PALLD: variants seen among roughly 807,000 people sequenced by gnomAD.
PALLD encodes palladin.
In PALLD, 61 loss-of-function variants were observed where a neutral mutation model predicts 123.5. That is an observed-to-expected ratio of 0.49 (90% CI 0.40 to 0.61). The LOEUF (loss-of-function observed/expected upper bound fraction) is 0.61. Among genes scored for constraint, PALLD ranks in the 20% least tolerant of loss-of-function variants. The pLI is 0.00. For missense variants in PALLD, 1,273 were observed against 1,377.0 expected (o/e 0.92, Z 1.20); for synonymous variants, 465 against 496.4 (o/e 0.94, Z 0.84).
At chr4:168,595,789 C>T (rs1771916125) in intron 2 of PALLD, among the ~76,000 whole-genome samples, 1 of 151,986 alleles carries the variant, frequency 6.6e-6, no homozygotes, top group Admixed American at 6.6e-5. Context: ...CAACAGAATG[C>T]CAGGGTGAGG....
At chr4:168,579,977 C>A (rs1232646937) in intron 2 of PALLD, among the ~76,000 whole-genome samples, 3 of 151,940 alleles carry the variant, frequency 2.0e-5, no homozygotes, top group Admixed American at 6.6e-5. Flanking sequence ...TCCATTAAAC[C>A]TCCAAAATTT....
At chr4:168,630,539 T>C (rs368280170) in intron 2 of PALLD, among the ~76,000 whole-genome samples, 1 of 152,236 alleles carries the variant, frequency 6.6e-6, no homozygotes, top group African/African-American at 2.4e-5. Context: ...TTATTTTCAC[T>C]TCAAAAAATA....
intron 2 of PALLD, among the ~76,000 whole-genome samples, chr4:168,592,657 C>A (rs1308400429): frequency 6.6e-6 from 1 of 151,986 alleles, no homozygotes; most frequent in Non-Finnish European, 1.5e-5. Flanking sequence ...TTTGACTTGA[C>A]CCTAACTCTT....
At chr4:168,831,591 C>T (rs1362876295) in intron 10 of PALLD, among the ~76,000 whole-genome samples, 2 of 152,176 alleles carry the variant, frequency 1.3e-5, no homozygotes, top group East Asian at 1.9e-4. Flanking sequence ...TCCCTCCCCA[C>T]AGCCCCAGTC....
rs754890709 is a variant in PALLD at position 168,670,774 on chromosome 4, AC to A, written c.1087+2407del. 9.0e-4 allele frequency among the ~76,000 whole-genome samples: 49 copies of A among 54,586 alleles called. 3 individuals are homozygous for A. Among genetic ancestry groups the A allele is most frequent in the African/African-American group, 2.0e-3 (16 of 8,148 alleles). The allele number at this position is 54,586 out of a possible 152,430, so 35.8% of individuals were successfully genotyped here. ...AAAAAAACAAAAAAAACAAAAAAAA[AC>A]AAAAAAAAAAAAACAAAAAAAACAA... On this transcript the variant is annotated intron_variant, in intron 3 of 21. Coordinates refer to ENST00000505667, the MANE Select transcript of PALLD (RefSeq NM_001166108.2).
intron 12 of PALLD, among the ~76,000 whole-genome samples, chr4:168,896,067 G>C (rs558640523): frequency 8.1e-4 from 124 of 152,208 alleles, no homozygotes; most frequent in Non-Finnish European, 1.5e-3. Flanking sequence ...AAAATTAGCC[G>C]GGTGTGGTGG....
At chr4:168,770,878 G>A (rs999918367) in intron 10 of PALLD, among the ~76,000 whole-genome samples, 1 of 152,098 alleles carries the variant, frequency 6.6e-6, no homozygotes, top group African/African-American at 2.4e-5. Context: ...GGCCAACATG[G>A]CAAAACCCCG....
In PALLD at chr4:168,869,566, G is replaced by T. The variant is rs1447068871; in HGVS notation, c.1965-21356G>T. On this transcript the variant is annotated intron_variant, in intron 10 of 21. Transcript: ENST00000505667. The surrounding 1 kb of genome is among the most constrained non-coding windows in gnomAD (Gnocchi z 4.5). The stretch of plus-strand genomic sequence containing the variant: ...AAGGAAAACTCAAAATGGGTTTGGG[G>T]AACAATAAGAGTAACAAACTTAGAA... Among the ~76,000 whole-genome samples, 1 of 152,148 alleles carries T rather than the reference G, an allele frequency of 6.6e-6. No individual in the cohort carries two copies. Among genetic ancestry groups the T allele is most frequent in the African/African-American group, 2.4e-5 (1 of 41,426 alleles).
chr4:168,781,104 T>C (rs967793410), intron 10 of PALLD, among the ~76,000 whole-genome samples: 3 of 152,230 alleles, frequency 2.0e-5, no homozygotes, highest in African/African-American at 7.2e-5. Flanking sequence ...CAGATACTTG[T>C]TGGCTTTCTT....
At chr4:168,578,255 T>C (rs1414638926) in intron 2 of PALLD, among the ~76,000 whole-genome samples, 1 of 150,868 alleles carries the variant, frequency 6.6e-6, no homozygotes, top group African/African-American at 2.5e-5. Context: ...AAAATTTGTG[T>C]TTGATATGGT....
intron 2 of PALLD, among the ~76,000 whole-genome samples, chr4:168,597,974 A>G (rs760063768): frequency 5.9e-5 from 9 of 152,122 alleles, no homozygotes; most frequent in South Asian, 2.1e-4. Flanking sequence ...ATGTATTTAT[A>G]TGATTTGCTC....
chr4:168,846,785 G>T (rs546677485), intron 10 of PALLD, among the ~76,000 whole-genome samples: 1 of 152,178 alleles, frequency 6.6e-6, no homozygotes, highest in Non-Finnish European at 1.5e-5. Flanking sequence ...TACCCACACT[G>T]GTGGTGTCAG....
At chr4:168,810,597 C>T (rs2150736531) in intron 10 of PALLD, among the ~76,000 whole-genome samples, 1 of 150,074 alleles carries the variant, frequency 6.7e-6, no homozygotes, top group South Asian at 2.1e-4. Flanking sequence ...GAGCCGAGAT[C>T]GCACCATTGC....
intron 2 of PALLD, among the ~76,000 whole-genome samples, chr4:168,561,333 C>T (rs1208048270): frequency 6.6e-6 from 1 of 152,198 alleles, no homozygotes; most frequent in Admixed American, 6.5e-5. Context: ...ACAATCACAG[C>T]TCACTGTAGC....
Position 168,512,241 on chromosome 4 carries a change from A to T in PALLD, c.737A>T (p.Asn246Ile), listed in dbSNP as rs755075593. The change falls in exon 2 of 22, where the codon AAC becomes ATC. Residue 246 changes from asparagine (N) to isoleucine (I), a missense_variant. This residue lies in a region of PALLD where 944 missense variants were observed against 954.5 expected (regional missense o/e 0.99). Coordinates refer to ENST00000505667, the MANE Select transcript of PALLD (RefSeq NM_001166108.2). ...SPGARHCYQD[N>I]QDLAVPHNRK... ...GGGGCCAGGCATTGCTACCAGGACAACCAGGACTTGGCAGTGCCACACAAC... is the reference window on the plus strand; with the variant it reads ...GGGGCCAGGCATTGCTACCAGGACATCCAGGACTTGGCAGTGCCACACAAC... 1.4e-5 allele frequency: 22 copies of T among 1,613,918 alleles called. No homozygotes were observed. The South Asian group carries it at 2.4e-4, about 18-fold the overall frequency.
At chr4:168,811,774 T>TCACA (rs879411684) in intron 10 of PALLD, among the ~76,000 whole-genome samples, 7,403 of 109,058 alleles carry the variant, frequency 0.068, 202 homozygotes, top group South Asian at 0.19. Flanking sequence ...TCTCTCTCTC[T>TCACA]CTCACACACA....
At chr4:168,638,025 T>C (rs1776526339) in intron 2 of PALLD, among the ~76,000 whole-genome samples, 1 of 151,328 alleles carries the variant, frequency 6.6e-6, no homozygotes, top group Non-Finnish European at 1.5e-5. Context: ...GTTTACATCA[T>C]TATTAAAAGG....
intron 2 of PALLD, among the ~76,000 whole-genome samples, chr4:168,512,909 G>T (rs191187557): frequency 3.6e-4 from 55 of 152,160 alleles, no homozygotes; most frequent in African/African-American, 1.3e-3. Context: ...CCTACTTGAG[G>T]GGGGAGAGTA....
At chr4:168,613,931 C>G (rs1167777848) in intron 2 of PALLD, among the ~76,000 whole-genome samples, 1 of 152,184 alleles carries the variant, frequency 6.6e-6, no homozygotes, top group East Asian at 1.9e-4. Context: ...TCGTAGAGCT[C>G]CACATCCTGC....
Sources: allele counts gnomAD v4.1 joint callset (sites outside exome capture counted in the v4.1 genomes callset), GRCh38; gene constraint gnomAD v4.1.1; regional missense constraint gnomAD v4.1.1; non-coding constraint Gnocchi (gnomAD v3.1); transcripts MANE v1.5; gene names NCBI Gene and HGNC (gene_info 2026-07-23, HGNC 2026-07-21).